The following TRMT11 variants were observed in gnomAD, a reference collection of about 807,000 sequenced individuals.
TRMT11 encodes tRNA (guanine(10)-N(2))-methyltransferase TRMT11.
A neutral mutation model predicts 62.8 loss-of-function variants in TRMT11; 53 were observed. That is an observed-to-expected ratio of 0.84 (90% confidence interval 0.68 to 1.06). The LOEUF (loss-of-function observed/expected upper bound fraction) is 1.06. TRMT11 is among the 50% of genes least tolerant of loss of function. The pLI, the probability that TRMT11 is intolerant of heterozygous loss-of-function variation, is 0.00. For missense variants in TRMT11, 556 were observed against 553.4 expected (o/e 1.00, Z -0.05); for synonymous variants, 188 against 190.3 (o/e 0.99, Z 0.10).
intron 17 of TRMT11, among the ~76,000 whole-genome samples, chr6:126,107,089 CAG>C (rs1282604146): frequency 2.6e-5 from 4 of 152,104 alleles, no homozygotes; most frequent in African/African-American, 9.7e-5. Flanking sequence ...ATATTATTAA[CAG>C]AACCTCACCA....
At chr6:126,128,281 A>G (rs1421894123) in intron 21 of TRMT11, among the ~76,000 whole-genome samples, 3 of 152,134 alleles carry the variant, frequency 2.0e-5, no homozygotes, top group African/African-American at 7.2e-5. Context: ...AGATGAAAAT[A>G]ATATATATTC....
intron 1 of TRMT11, among the ~76,000 whole-genome samples, chr6:126,190,058 CATT>C (rs965976991): frequency 1.3e-5 from 2 of 152,012 alleles, no homozygotes; most frequent in African/African-American, 4.8e-5. Flanking sequence ...GTGTTGGAAA[CATT>C]ATAATTTCTT....
chr6:126,042,720 A>C (rs1466360491), downstream of TRMT11, among the ~76,000 whole-genome samples: 2 of 152,194 alleles, frequency 1.3e-5, no homozygotes, highest in Non-Finnish European at 2.9e-5. Context: ...ATTTTGGCTA[A>C]CATGCAGCAG....
Position 126,069,405 on chromosome 6 carries a change from C to T in TRMT11, c.*1437+16215C>T, listed in dbSNP as rs137887766. Among the ~76,000 whole-genome samples the T allele has an allele frequency of 8.5e-4, 130 of 152,292 alleles. 4 individuals carry two copies. In the East Asian group the frequency reaches 0.025, roughly 29 times the overall value. ...TTTCTGGGCAAATTCTGAAAATATC[C>T]CCAAAGCAATAATCATTTTGGTGTC... is the stretch of plus-strand genomic sequence containing the variant. On this transcript the variant is annotated intron_variant and NMD_transcript_variant, in intron 17 of 22. Transcript: ENST00000648977.
chr6:126,003,300 T>G (rs1326087920), intron 7 of TRMT11, among the ~76,000 whole-genome samples: 1 of 152,038 alleles, frequency 6.6e-6, no homozygotes, highest in African/African-American at 2.4e-5. Context: ...CCAGCTATCA[T>G]TAGTGTTAGT....
chr6:126,012,920 G>A, intron 10 of TRMT11, 50 bp from the exon 11 acceptor site: 1 of 1,609,400 alleles, frequency 6.2e-7, no homozygotes, highest in Non-Finnish European at 8.5e-7. Context: ...CGTTAACTTA[G>A]CACTCTTAAA....
intron 7 of TRMT11, among the ~76,000 whole-genome samples, chr6:126,004,076 T>C (rs537447308): frequency 6.6e-6 from 1 of 152,224 alleles, no homozygotes; most frequent in South Asian, 2.1e-4. Flanking sequence ...TTTAAAAACT[T>C]TTTTTGTCAA....
intron 1 of TRMT11, among the ~76,000 whole-genome samples, chr6:125,993,324 G>A (rs1244057354): frequency 6.6e-6 from 1 of 152,178 alleles, no homozygotes; most frequent in Non-Finnish European, 1.5e-5. Flanking sequence ...ACTTTACACA[G>A]AAAGAAGATG....
chr6:125,987,476 T>C (rs1476441101), intron 1 of TRMT11, among the ~76,000 whole-genome samples: 1 of 152,142 alleles, frequency 6.6e-6, no homozygotes, highest in Non-Finnish European at 1.5e-5. Context: ...TTGAGTACCC[T>C]GGAGCTTGGA....
chr6:125,992,674 C>T (rs540530481), intron 1 of TRMT11, among the ~76,000 whole-genome samples: 1 of 152,146 alleles, frequency 6.6e-6, no homozygotes, highest in Non-Finnish European at 1.5e-5. Flanking sequence ...TGTATAAAGC[C>T]ACATCGCTAG....
At chr6:126,017,925 A>G (rs1395620167) in intron 11 of TRMT11, among the ~76,000 whole-genome samples, 4 of 152,204 alleles carry the variant, frequency 2.6e-5, no homozygotes, top group Non-Finnish European at 5.9e-5. Context: ...TGTGCTACTG[A>G]GTGAGTGTAG....
At chr6:126,103,442 T>C (rs1344187644) in intron 17 of TRMT11, among the ~76,000 whole-genome samples, 1 of 152,190 alleles carries the variant, frequency 6.6e-6, no homozygotes, top group Non-Finnish European at 1.5e-5. Context: ...ACAACACACA[T>C]ATATTTCTGT....
chr6:126,085,641 G>A (rs555260242), intron 17 of TRMT11, among the ~76,000 whole-genome samples: 2 of 152,260 alleles, frequency 1.3e-5, no homozygotes, highest in African/African-American at 4.8e-5. Flanking sequence ...TCAACAGTCA[G>A]TTGACATCCT....
At chr6:126,230,326 G>A in the TRMT11 span, among the ~76,000 whole-genome samples, 1 of 152,208 alleles carries the variant, frequency 6.6e-6, no homozygotes, top group Non-Finnish European at 1.5e-5. Context: ...CCACAGGACA[G>A]GCTGAGGGTT....
chr6:126,114,692 T>G (rs370846802), intron 18 of TRMT11, among the ~76,000 whole-genome samples: 56 of 152,254 alleles, frequency 3.7e-4, no homozygotes, highest in African/African-American at 1.3e-3. Context: ...TATTCATCTT[T>G]GCTTTTTTCT....
intron 8 of TRMT11, among the ~76,000 whole-genome samples, chr6:126,010,494 T>G (rs1794016722): frequency 6.6e-6 from 1 of 152,048 alleles, no homozygotes; most frequent in Admixed American, 6.6e-5. Flanking sequence ...GCCTCCTAAG[T>G]GAACAAAAAG....
the TRMT11 span, among the ~76,000 whole-genome samples, chr6:126,245,253 T>G: frequency 6.6e-6 from 1 of 152,220 alleles, no homozygotes; most frequent in Non-Finnish European, 1.5e-5. Flanking sequence ...CTTTATTGGA[T>G]GTGCATATAA....
At chr6:126,234,374 T>C in the TRMT11 span, among the ~76,000 whole-genome samples, 1 of 152,156 alleles carries the variant, frequency 6.6e-6, no homozygotes, top group Non-Finnish European at 1.5e-5. Flanking sequence ...TATTTTCATA[T>C]TTATTTAATT....
the TRMT11 span, among the ~76,000 whole-genome samples, chr6:126,228,276 G>A: frequency 6.6e-6 from 1 of 152,208 alleles, no homozygotes; most frequent in Non-Finnish European, 1.5e-5. Flanking sequence ...CTAGGGAGAT[G>A]CTCATTAGTG....
Sources: allele counts gnomAD v4.1 joint callset (sites outside exome capture counted in the v4.1 genomes callset), GRCh38; gene constraint gnomAD v4.1.1; transcripts MANE v1.5; gene names NCBI Gene and HGNC (gene_info 2026-07-23, HGNC 2026-07-21).